ASPRV1: variants seen among roughly 807,000 people sequenced by gnomAD.
The protein encoded by ASPRV1 is retroviral-like aspartic protease 1.
Under a neutral mutation model 11.0 loss-of-function variants are expected in ASPRV1, and 7 were observed. That is an observed-to-expected ratio of 0.64 (90% confidence interval 0.36 to 1.20). The LOEUF is 1.20. Ranked by LOEUF, ASPRV1 falls within the 50% of genes most tolerant of loss-of-function variation. The pLI is 0.02. For missense variants in ASPRV1, 299 were observed against 320.0 expected (o/e 0.93, Z 0.50); for synonymous variants, 136 against 138.4 (o/e 0.98, Z 0.12).
chr2:70,000,901 A>G, the ASPRV1 span, among the ~76,000 whole-genome samples: 9 of 151,960 alleles, frequency 5.9e-5, no homozygotes, highest in Non-Finnish European at 1.2e-4. Flanking sequence ...CCTGTAAAAG[A>G]GTCCAAGTAA....
chr2:70,010,782 G>A, the ASPRV1 span, among the ~76,000 whole-genome samples: 35 of 152,192 alleles, frequency 2.3e-4, no homozygotes, highest in African/African-American at 8.4e-4. Context: ...AACTTCTAGG[G>A]GTTCCCAAGC....
downstream of ASPRV1, among the ~76,000 whole-genome samples, chr2:69,955,828 T>G (rs747464201): frequency 1.2e-4 from 19 of 152,082 alleles, no homozygotes; most frequent in Non-Finnish European, 2.5e-4. Context: ...CAGGAACTCA[T>G]AATAGAGAGA....
the ASPRV1 span, among the ~76,000 whole-genome samples, chr2:69,944,943 C>T: frequency 2.6e-5 from 4 of 152,102 alleles, no homozygotes; most frequent in South Asian, 2.1e-4. Context: ...CAGTATTTAC[C>T]GTACATGACT....
the ASPRV1 span, among the ~76,000 whole-genome samples, chr2:69,996,214 C>CAAAA: frequency 1.3e-3 from 68 of 53,832 alleles, no homozygotes; most frequent in Middle Eastern, 0.019. Flanking sequence ...CCCCATCTCT[C>CAAAA]AAAAAAAAAA....
chr2:70,072,594 T>C, the ASPRV1 span, among the ~76,000 whole-genome samples: 34,227 of 151,040 alleles, frequency 0.23, 6,933 homozygotes, highest in African/African-American at 0.51. Context: ...TGATGGTGAG[T>C]GCCTGTACTC....
chr2:70,083,275 T>G, the ASPRV1 span, among the ~76,000 whole-genome samples: 3 of 152,218 alleles, frequency 2.0e-5, no homozygotes, highest in Non-Finnish European at 4.4e-5. Flanking sequence ...TCTAACAGGC[T>G]GTGTAACGTT....
chr2:70,040,863 G>A, the ASPRV1 span, among the ~76,000 whole-genome samples: 3 of 152,066 alleles, frequency 2.0e-5, no homozygotes, highest in East Asian at 1.9e-4. Context: ...CTAAACTAAC[G>A]TGGCAAATAC....
downstream of ASPRV1, among the ~76,000 whole-genome samples, chr2:69,957,883 C>T (rs1572874375): frequency 1.3e-5 from 2 of 152,180 alleles, no homozygotes; most frequent in East Asian, 3.9e-4. Context: ...ATCCTCCTTT[C>T]CATCATTGCA....
chr2:69,942,293 C>T, the ASPRV1 span: 1 of 152,170 alleles, frequency 6.6e-6, no homozygotes, highest in Non-Finnish European at 1.5e-5. Context: ...TCTCTATAGA[C>T]TGTAGGATGC....
chr2:69,938,495 G>A, the ASPRV1 span: 2 of 552,030 alleles, frequency 3.6e-6, no homozygotes, highest in Admixed American at 3.2e-5. Flanking sequence ...ATAAAAATTT[G>A]TCTCTGAGAG....
At chr2:70,069,334 G>A in the ASPRV1 span, 1 of 152,176 alleles carries the variant, frequency 6.6e-6, no homozygotes, top group Non-Finnish European at 1.5e-5. Flanking sequence ...ACAGAGCCAG[G>A]AACAGGTGGT....
downstream of ASPRV1, among the ~76,000 whole-genome samples, chr2:69,958,277 GGCCAT>G (rs1401142447): frequency 6.6e-6 from 1 of 151,972 alleles, no homozygotes; most frequent in African/African-American, 2.4e-5. Flanking sequence ...CCTCCATGGG[GGCCAT>G]GCTTCAGATG....
the ASPRV1 span, among the ~76,000 whole-genome samples, chr2:70,053,487 G>A: frequency 6.6e-6 from 1 of 152,150 alleles, no homozygotes; most frequent in South Asian, 2.1e-4. Flanking sequence ...TCTGTGTTAA[G>A]TGCTTTCATA....
At chr2:70,061,541 G>A in the ASPRV1 span, among the ~76,000 whole-genome samples, 1 of 152,212 alleles carries the variant, frequency 6.6e-6, no homozygotes, top group African/African-American at 2.4e-5. Flanking sequence ...ACTGTGAGCA[G>A]ATGAAGGTGC....
At chr2:70,071,751 TAAATAA>T in the ASPRV1 span, 2 of 151,420 alleles carry the variant, frequency 1.3e-5, no homozygotes. Flanking sequence ...CAAATATAAA[TAAATAA>T]AAACAAAAAT....
chr2:70,086,441 G>C, the ASPRV1 span: 1 of 152,404 alleles, frequency 6.6e-6, no homozygotes, highest in South Asian at 2.1e-4. Context: ...TCATAGGCCA[G>C]CGTCTTGAGC....
chr2:70,066,516 T>C, the ASPRV1 span, among the ~76,000 whole-genome samples: 2 of 152,082 alleles, frequency 1.3e-5, no homozygotes, highest in African/African-American at 4.8e-5. Context: ...GTGCTGGGAT[T>C]ATAGGCATGA....
At chr2:69,948,223 G>C in the ASPRV1 span, among the ~76,000 whole-genome samples, 1 of 152,138 alleles carries the variant, frequency 6.6e-6, no homozygotes, top group African/African-American at 2.4e-5. Flanking sequence ...ACTCCAGCCC[G>C]GGCCACAGAG....
chr2:69,970,927 A>T, the ASPRV1 span: 2 of 152,204 alleles, frequency 1.3e-5, no homozygotes, highest in African/African-American at 4.8e-5. Flanking sequence ...AACACTTTGG[A>T]AGGCCGAGGC....
Sources: gnomAD v4.1 joint callset for allele counts (sites outside exome capture counted in the v4.1 genomes callset) on GRCh38, gnomAD v4.1.1 for gene constraint, MANE v1.5 for transcripts, NCBI Gene and HGNC (gene_info 2026-07-23, HGNC 2026-07-21) for gene names.